SAMD4B: variants seen among roughly 807,000 people sequenced by gnomAD.
SAMD4B encodes the protein protein Smaug homolog 2.
In SAMD4B, 5 loss-of-function variants were observed where a neutral mutation model predicts 74.5. The observed-to-expected ratio is 0.07, with a 90% CI of 0.04 to 0.14. SAMD4B has a LOEUF of 0.14. Among genes scored for constraint, SAMD4B ranks in the 10% least tolerant of loss-of-function variants. SAMD4B has a pLI of 1.00. For missense variants in SAMD4B, 608 were observed against 921.8 expected (o/e 0.66, Z 4.41); for synonymous variants, 373 against 374.9 (o/e 1.00, Z 0.06).
At chr19:39,358,375 C>T (rs2076454442) in intron 3 of SAMD4B, among the ~76,000 whole-genome samples, 1 of 152,128 alleles carries the variant, frequency 6.6e-6, no homozygotes, top group African/African-American at 2.4e-5. Context: ...AGTAACTTAA[C>T]CTCTCTGTGC....
intron 3 of SAMD4B, among the ~76,000 whole-genome samples, chr19:39,363,141 A>G (rs2076752154): frequency 6.6e-6 from 1 of 152,024 alleles, no homozygotes; most frequent in Non-Finnish European, 1.5e-5. Context: ...GGTGCCTGTA[A>G]TTTGCCAGGA....
At chr19:39,360,869 C>G (rs1285066941) in intron 3 of SAMD4B, among the ~76,000 whole-genome samples, 1 of 152,110 alleles carries the variant, frequency 6.6e-6, no homozygotes, top group African/African-American at 2.4e-5. Flanking sequence ...AATCAGAATC[C>G]TGAGGGTATG....
At chr19:39,386,766 C>T (rs35505162), downstream of SAMD4B, 118 of 1,614,114 alleles carry the variant, frequency 7.3e-5, 2 homozygotes, top group Middle Eastern at 2.0e-3. The surrounding 1 kb of genome is among the most constrained non-coding windows in gnomAD (Gnocchi z 6.1). Flanking sequence ...CTGACTGAAC[C>T]CCAGCCTTGG....
downstream of SAMD4B, chr19:39,390,375 T>TAGA (rs3217016): frequency 0.28 from 363,313 of 1,296,708 alleles, 62,590 homozygotes; most frequent in African/African-American, 0.77. Context: ...TTTCAAAAGG[T>TAGA]AGGAGGGGTG....
chr19:39,344,236 G>A (rs764673682), intron 1 of SAMD4B, among the ~76,000 whole-genome samples: 1 of 151,982 alleles, frequency 6.6e-6, no homozygotes, highest in Non-Finnish European at 1.5e-5. Context: ...AATAACCCGA[G>A]CTCTTGCTCT....
At chr19:39,365,369 T>C (rs2076900105) in intron 3 of SAMD4B, among the ~76,000 whole-genome samples, 2 of 149,760 alleles carry the variant, frequency 1.3e-5, no homozygotes, top group African/African-American at 4.9e-5. Flanking sequence ...GCATGGCCAA[T>C]ATGGCAAAAG....
rs536051267 is a variant in SAMD4B at position 39,385,043 on chromosome 19, G to A, written c.*1516G>A. On this transcript the variant is annotated 3_prime_UTR_variant, in exon 14 of 14. Transcript: ENST00000610417. ...AGCCCAGGGAGGGGGAAGAAGCCAG[G>A]GGGTAGGGTGGCCCTGGGAACCTGG... 1 of 152,564 alleles carries A rather than the reference G, an allele frequency of 6.6e-6. No homozygotes were observed. Among genetic ancestry groups the A allele is most frequent in the East Asian group, 1.9e-4 (1 of 5,192 alleles). The allele number at this position is 152,564 out of a possible 1,614,324, so 9.5% of individuals were successfully genotyped here.
intron 1 of SAMD4B, among the ~76,000 whole-genome samples, chr19:39,347,627 T>A (rs989388391): frequency 1.3e-5 from 2 of 152,164 alleles, no homozygotes; most frequent in Admixed American, 6.5e-5. Context: ...GGGAGCAGAA[T>A]CCAGGAGTAA....
At chr19:39,353,505 T>TA (rs544526263) in intron 1 of SAMD4B, among the ~76,000 whole-genome samples, 173 of 152,288 alleles carry the variant, frequency 1.1e-3, no homozygotes, top group African/African-American at 2.8e-3. Flanking sequence ...TTTTTTAATT[T>TA]AAAAAATGGC....
intron 3 of SAMD4B, among the ~76,000 whole-genome samples, chr19:39,363,392 G>A (rs1208076198): frequency 2.0e-5 from 3 of 152,094 alleles, no homozygotes; most frequent in Non-Finnish European, 4.4e-5. Flanking sequence ...AGGAATCAGA[G>A]ATGTGTCTGT....
At chr19:39,390,303 A>G (rs754541379), downstream of SAMD4B, 3 of 1,608,430 alleles carry the variant, frequency 1.9e-6, no homozygotes, top group Non-Finnish European at 2.5e-6. Flanking sequence ...GTGGAGAAGA[A>G]AGAAACAGTG....
intron 1 of SAMD4B, 55 bp downstream of exon 1, chr19:39,342,631 T>A (rs1372083153): frequency 1.4e-5 from 2 of 144,466 alleles, no homozygotes; most frequent in South Asian, 1.8e-4. Context: ...CGCGCGGGGC[T>A]CCCCTCAGGG....
intron 1 of SAMD4B, among the ~76,000 whole-genome samples, chr19:39,345,364 G>A (rs889357496): frequency 1.3e-5 from 2 of 152,170 alleles, no homozygotes; most frequent in African/African-American, 4.8e-5. Context: ...AGTTATTTCC[G>A]ATTCTACTTT....
intron 12 of SAMD4B, among the ~76,000 whole-genome samples, chr19:39,382,993 CT>C (rs1457584316): frequency 6.6e-6 from 1 of 152,130 alleles, no homozygotes; most frequent in Non-Finnish European, 1.5e-5. Context: ...GCAAGTCGGG[CT>C]TTTTCTGTAT....
intron 2 of SAMD4B, among the ~76,000 whole-genome samples, chr19:39,355,668 G>A (rs547297298): frequency 3.3e-4 from 51 of 152,282 alleles, no homozygotes; most frequent in African/African-American, 1.1e-3. Flanking sequence ...AAAAGCCTTC[G>A]GAGTGGTGTC....
Position 39,383,802 on chromosome 19 carries a change from C to T in SAMD4B, c.*275C>T. ...CCAGACTGCCTGCCTCTCTCCTTTC[C>T]TTCCTCATCCCCACCTGGTCCCATC... On this transcript the variant is annotated 3_prime_UTR_variant, in exon 14 of 14. Transcript: ENST00000610417. This position sits in a 1 kb window ranked among gnomAD's most constrained non-coding sequence, Gnocchi z 4.1. 2 of 1,264,626 alleles carry T rather than the reference C, an allele frequency of 1.6e-6. No individual in the cohort carries two copies. The highest frequency in any genetic ancestry group is 2.2e-6 in the Non-Finnish European group (2 of 912,232). The allele number at this position is 1,264,626 out of a possible 1,614,324, so 78.3% of individuals were successfully genotyped here. A position where few individuals can be genotyped will look rare whatever the true frequency, so the allele number is the denominator to read the frequency against.
In SAMD4B at chr19:39,380,112, C is replaced by G. The variant is rs1240505890; in HGVS notation, c.1649+28C>G. 3.8e-6 allele frequency: 6 copies of G among 1,564,716 alleles called. No individual in the cohort carries two copies. In the South Asian group the frequency reaches 6.7e-5, roughly 18 times the overall value. On this transcript the variant is annotated intron_variant, in intron 10 of 13. Transcript: ENST00000610417. Reference sequence around the variant, plus strand: ...AGGCGGGTGGCCAGGTTACAGGGACCTGCCCTCCATAGGCCTTTGCTGGTT... The same window carrying G: ...AGGCGGGTGGCCAGGTTACAGGGACGTGCCCTCCATAGGCCTTTGCTGGTT...
chr19:39,342,748 A>C (rs1217336097), intron 1 of SAMD4B, among the ~76,000 whole-genome samples, 172 bp downstream of exon 1: 1 of 150,906 alleles, frequency 6.6e-6, no homozygotes, highest in Non-Finnish European at 1.5e-5. Context: ...GCCCCACGGG[A>C]GAAGCCCCGC....
Position 39,384,952 on chromosome 19 carries a change from C to T in SAMD4B, c.*1425C>T, listed in dbSNP as rs1334047785. Reference sequence around the variant, plus strand: ...TTTTAAAACCACCACCCTCCCTGCACTATCACCCCATTCCCCAGACCTTCT... The same window carrying T: ...TTTTAAAACCACCACCCTCCCTGCATTATCACCCCATTCCCCAGACCTTCT... On this transcript the variant is annotated 3_prime_UTR_variant, in exon 14 of 14. Transcript: ENST00000610417. 6.6e-6 allele frequency: 1 copy of T among 152,380 alleles called. No individual in the cohort carries two copies. The highest frequency in any genetic ancestry group is 2.4e-5 in the African/African-American group (1 of 41,378). The allele number at this position is 152,380 out of a possible 1,614,324, so 9.4% of individuals were successfully genotyped here. A position where few individuals can be genotyped will look rare whatever the true frequency, so the allele number is the denominator to read the frequency against.
Sources: allele counts gnomAD v4.1 joint callset (sites outside exome capture counted in the v4.1 genomes callset), GRCh38; gene constraint gnomAD v4.1.1; non-coding constraint Gnocchi (gnomAD v3.1); transcripts MANE v1.5; gene names NCBI Gene and HGNC (gene_info 2026-07-23, HGNC 2026-07-21).